Variants in RAP1GAP2 observed in about 807,000 individuals in gnomAD.
The protein encoded by RAP1GAP2 is rap1 GTPase-activating protein 2.
Under a neutral mutation model 95.0 loss-of-function variants are expected in RAP1GAP2, and 27 were observed. The ratio of observed to expected loss-of-function variants is 0.28; its 90% CI spans 0.21 to 0.39. The LOEUF is 0.39. Ranked by LOEUF, RAP1GAP2 falls within the 10% of genes least tolerant of loss-of-function variation. The probability of loss-of-function intolerance (pLI) is 1.00; values close to 1 mark genes in which losing one functional copy is unlikely to be tolerated. For missense variants in RAP1GAP2, 771 were observed against 970.0 expected (o/e 0.79, Z 2.72); for synonymous variants, 373 against 380.9 (o/e 0.98, Z 0.24).
At chr17:2,832,001 C>T (rs892468889) in intron 2 of RAP1GAP2, among the ~76,000 whole-genome samples, 18 of 150,680 alleles carry the variant, frequency 1.2e-4, no homozygotes, top group African/African-American at 3.4e-4. Flanking sequence ...GTTAGGAGTT[C>T]GAGACCAGCC....
At chr17:2,967,150 C>T (rs1352870967) in intron 8 of RAP1GAP2, among the ~76,000 whole-genome samples, 16 of 152,152 alleles carry the variant, frequency 1.1e-4, no homozygotes, top group Middle Eastern at 3.4e-3. Context: ...GGGTGGATCA[C>T]GAGGTCAGGA....
At chr17:2,952,376 G>A (rs1296173766) in intron 3 of RAP1GAP2, among the ~76,000 whole-genome samples, 1 of 152,204 alleles carries the variant, frequency 6.6e-6, no homozygotes, top group East Asian at 1.9e-4. Flanking sequence ...TTCCCCCATT[G>A]CTTAGACTTT....
At chr17:2,772,479 A>G (rs555672918), upstream of RAP1GAP2, among the ~76,000 whole-genome samples, 47 of 151,864 alleles carry the variant, frequency 3.1e-4, no homozygotes, top group African/African-American at 1.1e-3. Flanking sequence ...TCTTATTTTT[A>G]TAGAGATGGG....
intron 4 of RAP1GAP2, among the ~76,000 whole-genome samples, chr17:2,958,027 C>T (rs1221326076): frequency 1.3e-5 from 2 of 152,120 alleles, no homozygotes; most frequent in Non-Finnish European, 2.9e-5. Flanking sequence ...AGAACTTCCC[C>T]AGCAGGGCAG....
At position 2,855,769 on chromosome 17, in the gene RAP1GAP2, C is replaced by T. The variant is rs977793461; in HGVS notation, c.81-49515C>T. Among the ~76,000 whole-genome samples, 2 of 152,112 alleles carry T rather than the reference C, an allele frequency of 1.3e-5. No individual in the cohort carries two copies. The highest frequency in any genetic ancestry group is 1.9e-4 in the East Asian group (1 of 5,184). The stretch of plus-strand genomic sequence containing the variant: ...CTGGGACTACAAGTACCCACCACCA[C>T]GCCCAGCTAATTTTTTGTATTTTAG... On this transcript the variant is annotated intron_variant, in intron 2 of 24. Transcript: ENST00000254695. This position sits in a 1 kb window ranked among gnomAD's most constrained non-coding sequence, Gnocchi z 4.3.
intron 9 of RAP1GAP2, among the ~76,000 whole-genome samples, chr17:2,980,991 C>T (rs1003271571): frequency 1.3e-5 from 2 of 152,114 alleles, no homozygotes. Context: ...TTTGTCTAAT[C>T]CCTTCCCACA....
rs77547517 is a variant in RAP1GAP2 at position 2,791,403 on chromosome 17, G to A, written c.-13-9112G>A. Reference sequence around the variant, plus strand: ...GAGCCCGTCCAGCCAGGCATTGGGGGTAGCTGGGTACTTGCTCTTTCCATC... The same window carrying A: ...GAGCCCGTCCAGCCAGGCATTGGGGATAGCTGGGTACTTGCTCTTTCCATC... On this transcript the variant is annotated intron_variant, in intron 1 of 24. Coordinates refer to the RAP1GAP2 transcript ENST00000540393. 9.3e-3 allele frequency among the ~76,000 whole-genome samples: 1,414 copies of A among 152,252 alleles called. 17 individuals are homozygous for A. The highest frequency in any genetic ancestry group is 0.031 in the African/African-American group (1,298 of 41,540).
At chr17:2,908,706 C>G (rs1296829700) in intron 3 of RAP1GAP2, among the ~76,000 whole-genome samples, 1 of 151,958 alleles carries the variant, frequency 6.6e-6, no homozygotes, top group Non-Finnish European at 1.5e-5. Context: ...TTCAATTCTT[C>G]TTCTTTTAAA....
upstream of RAP1GAP2, among the ~76,000 whole-genome samples, chr17:2,795,728 G>C (rs2069057716): frequency 6.6e-6 from 1 of 152,210 alleles, no homozygotes; most frequent in African/African-American, 2.4e-5. Flanking sequence ...GTCTGTGCAC[G>C]TGTCCAATGG....
Position 2,965,685 on chromosome 17 carries a change from A to G in RAP1GAP2, c.596+42A>G. ...GCTTGAGGCCACTTCTCTTCCAGGC[A>G]GGGCTCTCATCGGTGGTGTGGGGGC... On this transcript the variant is annotated intron_variant, in intron 8 of 24. Transcript: ENST00000254695. This position sits in a 1 kb window ranked among gnomAD's most constrained non-coding sequence, Gnocchi z 4.7. 2 of 1,436,320 alleles carry G rather than the reference A, an allele frequency of 1.4e-6. No homozygotes were observed. Among genetic ancestry groups the G allele is most frequent in the South Asian group, 1.2e-5 (1 of 82,978 alleles). The allele number at this position is 1,436,320 out of a possible 1,614,324, so 89.0% of individuals were successfully genotyped here.
chr17:2,965,655 GC>G lies in RAP1GAP2; in HGVS notation c.596+13del. ...CGGGTCATCCTTAGGTAGGGCTGTT[GC>G]GCTGCTTGAGGCCACTTCTCTTCCA... On this transcript the variant is annotated intron_variant, in intron 8 of 24. Transcript: ENST00000254695. This position sits in a 1 kb window ranked among gnomAD's most constrained non-coding sequence, Gnocchi z 4.7. 1 of 1,576,958 alleles carries G rather than the reference GC, an allele frequency of 6.3e-7. No homozygotes were observed. The highest frequency in any genetic ancestry group is 8.7e-7 in the Non-Finnish European group (1 of 1,154,308).
chr17:2,900,057 G>A (rs1385203820), intron 2 of RAP1GAP2, among the ~76,000 whole-genome samples: 3 of 152,196 alleles, frequency 2.0e-5, no homozygotes, highest in Non-Finnish European at 4.4e-5. Flanking sequence ...GCAAGAGAAA[G>A]CGTAGCTGAG....
At position 2,947,736 on chromosome 17, in the gene RAP1GAP2, G is replaced by A. The variant is rs145393798; in HGVS notation, c.166-10023G>A. On this transcript the variant is annotated intron_variant, in intron 3 of 24. Coordinates refer to ENST00000254695, the MANE Select transcript of RAP1GAP2 (RefSeq NM_015085.5). Reference sequence around the variant, plus strand: ...CGGTAGCGGAGTCGGGCAGTGTGGCGTGCTCGGTGGTCAGACGACATGGGA... The same window carrying A: ...CGGTAGCGGAGTCGGGCAGTGTGGCATGCTCGGTGGTCAGACGACATGGGA... 4.0e-4 allele frequency among the ~76,000 whole-genome samples: 61 copies of A among 151,968 alleles called. No homozygotes were observed. The East Asian group carries it at 9.3e-3, about 23-fold the overall frequency.
chr17:3,019,235 A>C lies in RAP1GAP2; in HGVS notation c.1632+1037A>C, dbSNP rs77710701. Reference sequence around the variant, plus strand: ...GGCTGGGAAGGGGAGGGAATCATGTAGTTGGGCCTTTCATAAAGCAAAGTG... The same window carrying C: ...GGCTGGGAAGGGGAGGGAATCATGTCGTTGGGCCTTTCATAAAGCAAAGTG... On this transcript the variant is annotated intron_variant, in intron 18 of 24. Transcript: ENST00000254695. 0.013 allele frequency among the ~76,000 whole-genome samples: 2,048 copies of C among 152,196 alleles called. 144 individuals are homozygous for C. The East Asian group carries it at 0.21, about 16-fold the overall frequency.
At position 3,033,532 on chromosome 17, in the gene RAP1GAP2, C is replaced by T. The variant is rs2047393143; in HGVS notation, c.*171C>T. ...GTTGGTCCAGGTGTCCCAGTCTGGC[C>T]ACAGCCCTGCCTCCGCCCTCACCTA... On this transcript the variant is annotated 3_prime_UTR_variant, in exon 25 of 25. Transcript: ENST00000254695. The surrounding 1 kb of genome is among the most constrained non-coding windows in gnomAD (Gnocchi z 4.9). 1 of 153,342 alleles carries T rather than the reference C, an allele frequency of 6.5e-6. No individual in the cohort carries two copies. The highest frequency in any genetic ancestry group is 2.1e-4 in the South Asian group (1 of 4,860). 9.5% of individuals were successfully genotyped at this position (153,342 alleles called of 1,614,324 possible). A position where few individuals can be genotyped will look rare whatever the true frequency, so the allele number is the denominator to read the frequency against.
At chr17:2,897,639 C>T (rs1345472831) in intron 2 of RAP1GAP2, among the ~76,000 whole-genome samples, 3 of 152,002 alleles carry the variant, frequency 2.0e-5, no homozygotes, top group Non-Finnish European at 4.4e-5. Context: ...GGATGACAGG[C>T]GTGAGCCACC....
At chr17:2,860,477 T>C (rs2072332146) in intron 2 of RAP1GAP2, among the ~76,000 whole-genome samples, 1 of 152,026 alleles carries the variant, frequency 6.6e-6, no homozygotes, top group Non-Finnish European at 1.5e-5. Flanking sequence ...TCCTGGCTTC[T>C]AGTCTCCCTT....
chr17:2,973,324 TGGCCAATGTG>T (rs2044952907), intron 8 of RAP1GAP2, among the ~76,000 whole-genome samples: 1 of 152,152 alleles, frequency 6.6e-6, no homozygotes, highest in Non-Finnish European at 1.5e-5. Flanking sequence ...GAGACCAGGC[TGGCCAATGTG>T]GCGAAACCCT....
chr17:2,992,073 A>T (rs1301003390), intron 12 of RAP1GAP2, among the ~76,000 whole-genome samples: 1 of 150,352 alleles, frequency 6.7e-6, no homozygotes, highest in Non-Finnish European at 1.5e-5. Flanking sequence ...GCCTGAAATG[A>T]CCTATTTTAG....
Sources: gnomAD v4.1 joint callset for allele counts (sites outside exome capture counted in the v4.1 genomes callset) on GRCh38, gnomAD v4.1.1 for gene constraint, Gnocchi (gnomAD v3.1) non-coding constraint, MANE v1.5 for transcripts, NCBI Gene and HGNC (gene_info 2026-07-23, HGNC 2026-07-21) for gene names.